The following SPINK5 variants were observed in gnomAD, a reference collection of about 807,000 sequenced individuals.
The protein encoded by SPINK5 is serine protease inhibitor Kazal-type 5.
Under a neutral mutation model 151.8 loss-of-function variants are expected in SPINK5, and 125 were observed. The observed-to-expected ratio is 0.82, with a 90% CI of 0.71 to 0.96. The LOEUF is 0.96. Ranked by LOEUF, SPINK5 falls within the 40% of genes least tolerant of loss-of-function variation. SPINK5 has a pLI of 0.00. For synonymous variants in SPINK5, 374 were observed against 395.3 expected (o/e 0.95, Z 0.64); for missense variants, 1,194 against 1,291.9 (o/e 0.92, Z 1.16).
intron 15 of SPINK5, 77 bp downstream of exon 15, chr5:148,101,985 G>A: frequency 1.3e-6 from 2 of 1,598,922 alleles, no homozygotes; most frequent in Non-Finnish European, 1.7e-6. Flanking sequence ...AAACCATTGT[G>A]AATAATGCAT....
chr5:148,080,485 A>G (rs1752991761), intron 4 of SPINK5, among the ~76,000 whole-genome samples: 1 of 151,406 alleles, frequency 6.6e-6, no homozygotes, highest in African/African-American at 2.4e-5. Flanking sequence ...GCGTGCCGTT[A>G]TTTCAAGATA....
chr5:148,130,406 T>C (rs1049456358), intron 30 of SPINK5, among the ~76,000 whole-genome samples: 4 of 152,066 alleles, frequency 2.6e-5, no homozygotes, highest in African/African-American at 9.7e-5. Context: ...CTGGAGTACT[T>C]ACTTCTTAAT....
chr5:148,092,734 A>G (rs1164736386), intron 8 of SPINK5, among the ~76,000 whole-genome samples: 1 of 151,896 alleles, frequency 6.6e-6, no homozygotes, highest in African/African-American at 2.4e-5. Context: ...ATACCATGCT[A>G]TGATTATCAG....
At chr5:148,077,482 A>T (rs1752913892) in intron 4 of SPINK5, among the ~76,000 whole-genome samples, 1 of 151,138 alleles carries the variant, frequency 6.6e-6, no homozygotes, top group African/African-American at 2.4e-5. Context: ...GAAGGAGGTC[A>T]TTTAGCTGAA....
chr5:148,085,760 A>G (rs1278683700), intron 4 of SPINK5, among the ~76,000 whole-genome samples: 1 of 151,908 alleles, frequency 6.6e-6, no homozygotes, highest in Non-Finnish European at 1.5e-5. Flanking sequence ...TTGGCTTGTC[A>G]GTAGAGAAAA....
intron 20 of SPINK5, among the ~76,000 whole-genome samples, chr5:148,113,550 A>T (rs1754001552): frequency 6.6e-6 from 1 of 152,170 alleles, no homozygotes; most frequent in Admixed American, 6.5e-5. Flanking sequence ...AAAGATTAAA[A>T]AGTAGCATCC....
intron 23 of SPINK5, 102 bp from the exon 24 acceptor site, chr5:148,118,884 T>G (rs1280573616): frequency 8.2e-7 from 1 of 1,221,332 alleles, no homozygotes; most frequent in African/African-American, 1.5e-5. Context: ...CCAGCACAGT[T>G]GAAGAAAGCT....
chr5:148,118,405 T>C, intron 22 of SPINK5, 32 bp from the exon 23 acceptor site: 1 of 1,613,710 alleles, frequency 6.2e-7, no homozygotes. Flanking sequence ...GACTAAGTAA[T>C]CCAGGGGCTC....
At chr5:148,088,647 A>G in intron 6 of SPINK5, 42 bp downstream of exon 6, 1 of 1,582,278 alleles carries the variant, frequency 6.3e-7, no homozygotes, top group Non-Finnish European at 8.7e-7. Flanking sequence ...CTGGGAGGCT[A>G]ACTTCAAATA....
intron 7 of SPINK5, 121 bp downstream of exon 7, chr5:148,089,742 T>TG (rs1209637369): frequency 7.1e-7 from 1 of 1,403,616 alleles, no homozygotes; most frequent in African/African-American, 1.4e-5. Context: ...CTTTACACTG[T>TG]GAAATAGCCT....
chr5:148,115,327 G>A lies in SPINK5; in HGVS notation c.2015+838G>A, dbSNP rs1210907388. ...TTATCAACCTTGAATGCACACCAGA[G>A]ATTTCGAGGTCAATTCTACATGTAA... On this transcript the variant is annotated intron_variant, in intron 21 of 32. Coordinates refer to ENST00000256084, the MANE Select transcript of SPINK5 (RefSeq NM_006846.4). Among the ~76,000 whole-genome samples the A allele has an allele frequency of 3.3e-5, 5 of 152,292 alleles. No homozygotes were observed. In the East Asian group the frequency reaches 9.7e-4, roughly 29 times the overall value.
In SPINK5 at chr5:148,108,917, C is replaced by T. The variant is rs1581089799; in HGVS notation, c.1692+80C>T. 1.1e-5 allele frequency: 17 copies of T among 1,590,562 alleles called. No homozygotes were observed. The South Asian group carries it at 1.7e-4, about 16-fold the overall frequency. On this transcript the variant is annotated intron_variant, in intron 18 of 32. Transcript: ENST00000256084. ...GGGAGGGCTCCTATTCCCTCCTCCTCATTCCAGTATTCTTAGTTTCTTTGC... is the reference window on the plus strand; with the variant it reads ...GGGAGGGCTCCTATTCCCTCCTCCTTATTCCAGTATTCTTAGTTTCTTTGC...
chr5:148,066,288 A>C (rs1447780118), intron 2 of SPINK5, among the ~76,000 whole-genome samples: 2 of 152,130 alleles, frequency 1.3e-5, no homozygotes, highest in African/African-American at 4.8e-5. Context: ...AGATAGGATG[A>C]CCAATTACTC....
chr5:148,065,559 ACACAC>A, intron 2 of SPINK5, 187 bp downstream of exon 2: 2 of 603,508 alleles, frequency 3.3e-6, no homozygotes, highest in East Asian at 5.7e-5. Flanking sequence ...ACACACACAC[ACACAC>A]ACACACACTC....
rs1581091105 is a variant in SPINK5, at chr5:148,110,107, A to G, written c.1692+1270A>G. Among the ~76,000 whole-genome samples the G allele has an allele frequency of 3.9e-5, 6 of 152,166 alleles. No homozygotes were observed. The South Asian group carries it at 1.0e-3, about 26-fold the overall frequency. ...TTCATTTCCCTACCAGTAAGGTCCT[A>G]CAGTTAACATCTTCATATATTAGCT... is the stretch of plus-strand genomic sequence containing the variant. On this transcript the variant is annotated intron_variant, in intron 18 of 32. Coordinates refer to ENST00000256084, the MANE Select transcript of SPINK5 (RefSeq NM_006846.4).
chr5:148,074,203 T>A (rs1252703422), intron 4 of SPINK5, among the ~76,000 whole-genome samples: 2 of 151,824 alleles, frequency 1.3e-5, no homozygotes, highest in Non-Finnish European at 2.9e-5. Context: ...AGGAGTTTCC[T>A]CCTACAGACA....
At chr5:148,126,525 T>C (rs1409762176) in intron 29 of SPINK5, among the ~76,000 whole-genome samples, 1 of 152,190 alleles carries the variant, frequency 6.6e-6, no homozygotes, top group Non-Finnish European at 1.5e-5. Flanking sequence ...TGTGTACTTT[T>C]CTTAATATGT....
intron 16 of SPINK5, among the ~76,000 whole-genome samples, chr5:148,105,414 T>C (rs1753755190): frequency 6.6e-6 from 1 of 152,190 alleles, no homozygotes; most frequent in East Asian, 1.9e-4. Context: ...ATATTTGAGC[T>C]TTGTCACCAC....
At position 148,101,418 on chromosome 5, in the gene SPINK5, G is replaced by A. The variant is rs748599818; in HGVS notation, c.1284G>A (p.Lys428=). The A allele has an allele frequency of 2.5e-5, 40 of 1,611,212 alleles. No homozygotes were observed. Among genetic ancestry groups the A allele is most frequent in the Non-Finnish European group, 3.2e-5 (38 of 1,177,630 alleles). The change falls in exon 14 of 33, where the codon AAG becomes AAA. Residue 428 remains lysine (K), a synonymous_variant. Coordinates refer to ENST00000256084, the MANE Select transcript of SPINK5 (RefSeq NM_006846.4). ...EGKSRNKRQS[K]STASFEELCS... is the part of the protein sequence containing the mutation. The stretch of plus-strand genomic sequence containing the variant: ...AATCAAGAAACAAAAGACAATCTAA[G>A]AGTACAGCTTCCTTTGAGGTGAGTT...
Sources: gnomAD v4.1 joint callset for allele counts (sites outside exome capture counted in the v4.1 genomes callset) on GRCh38, gnomAD v4.1.1 for gene constraint, MANE v1.5 for transcripts, NCBI Gene and HGNC (gene_info 2026-07-23, HGNC 2026-07-21) for gene names.